CLYBL: variants seen among roughly 807,000 people sequenced by gnomAD.
The protein encoded by CLYBL is citramalyl-CoA lyase.
A neutral mutation model predicts 38.9 loss-of-function variants in CLYBL; 31 were observed. That is an observed-to-expected ratio of 0.80 (90% CI 0.60 to 1.08). The LOEUF (loss-of-function observed/expected upper bound fraction) is 1.08. CLYBL is among the 50% of genes least tolerant of loss of function. CLYBL has a pLI of 0.00. For missense variants in CLYBL, 434 were observed against 411.6 expected (o/e 1.05, Z -0.47); for synonymous variants, 171 against 158.6 (o/e 1.08, Z -0.59).
At chr13:99,652,003 G>GC (rs2047261548) in intron 1 of CLYBL, among the ~76,000 whole-genome samples, 2 of 152,200 alleles carry the variant, frequency 1.3e-5, no homozygotes, top group Non-Finnish European at 2.9e-5. Flanking sequence ...GGGTTTTCCT[G>GC]GAAGGATATG....
At chr13:99,891,197 G>A (rs2052479778) in intron 7 of CLYBL, 121 bp from the exon 8 acceptor site, 1 of 713,898 alleles carries the variant, frequency 1.4e-6, no homozygotes, top group Non-Finnish European at 2.4e-6. Context: ...TCAAAAGTTG[G>A]GCGGGAAAGT....
intron 9 of CLYBL, among the ~76,000 whole-genome samples, chr13:99,905,899 A>C (rs1414319844): frequency 6.6e-6 from 1 of 151,922 alleles, no homozygotes; most frequent in African/African-American, 2.4e-5. Context: ...GACCCCACCC[A>C]AGTAGCAGGA....
intron 2 of CLYBL, among the ~76,000 whole-genome samples, chr13:99,780,176 A>G (rs1020802802): frequency 5.3e-5 from 8 of 152,128 alleles, no homozygotes; most frequent in African/African-American, 9.7e-5. Context: ...TGATTCATCT[A>G]TTTCTATGTA....
chr13:99,907,495 A>T (rs946432504), intron 9 of CLYBL, among the ~76,000 whole-genome samples: 2 of 151,946 alleles, frequency 1.3e-5, no homozygotes, highest in African/African-American at 4.8e-5. Flanking sequence ...GGGTGATAAG[A>T]CTACTGGTGA....
In CLYBL at chr13:99,859,137, A is replaced by G. The variant is rs2051536057; in HGVS notation, c.438+88A>G. The G allele has an allele frequency of 9.9e-6, 10 of 1,012,356 alleles. No individual in the cohort carries two copies. In the South Asian group the frequency reaches 1.5e-4, roughly 16 times the overall value. The allele number at this position is 1,012,356 out of a possible 1,614,324, so 62.7% of individuals were successfully genotyped here. Reference sequence around the variant, plus strand: ...GGATCTGGGTGCCACAGGTTTGGAAAATGCATGCAGAGAGCAGAGAGGAAG... The same window carrying G: ...GGATCTGGGTGCCACAGGTTTGGAAGATGCATGCAGAGAGCAGAGAGGAAG... On this transcript the variant is annotated intron_variant, in intron 3 of 8. Coordinates refer to ENST00000339105, the MANE Select transcript of CLYBL (RefSeq NM_206808.5).
At chr13:99,850,402 CAG>C (rs2051303617) in intron 2 of CLYBL, among the ~76,000 whole-genome samples, 2 of 152,178 alleles carry the variant, frequency 1.3e-5, no homozygotes, top group Admixed American at 6.5e-5. Flanking sequence ...TAAGCACACA[CAG>C]AGATGCTCAG....
At chr13:99,689,111 A>G (rs1312080511) in intron 1 of CLYBL, among the ~76,000 whole-genome samples, 1 of 152,218 alleles carries the variant, frequency 6.6e-6, no homozygotes, top group Non-Finnish European at 1.5e-5. Flanking sequence ...GGGTCCCAGC[A>G]TCTAGCCCTT....
chr13:99,885,105 G>C (rs748070471), intron 7 of CLYBL: 30 of 529,692 alleles, frequency 5.7e-5, no homozygotes, highest in South Asian at 4.2e-4. Flanking sequence ...GGGAGTCAAA[G>C]GTACGTGAGG....
intron 1 of CLYBL, among the ~76,000 whole-genome samples, chr13:99,745,012 A>G (rs2048824711): frequency 6.6e-6 from 1 of 152,168 alleles, no homozygotes; most frequent in Non-Finnish European, 1.5e-5. Flanking sequence ...TTGTCACCCA[A>G]CATACTTCCC....
intron 1 of CLYBL, among the ~76,000 whole-genome samples, chr13:99,618,155 A>G (rs762582448): frequency 6.6e-6 from 1 of 152,220 alleles, no homozygotes; most frequent in Non-Finnish European, 1.5e-5. Context: ...AGTGCCTGAT[A>G]TAAATTTGCA....
At chr13:99,818,732 A>C (rs372813018) in intron 2 of CLYBL, among the ~76,000 whole-genome samples, 27 of 152,306 alleles carry the variant, frequency 1.8e-4, no homozygotes, top group East Asian at 7.7e-4. Context: ...AGCTTTCCTT[A>C]TTCCATGTTC....
chr13:99,763,383 C>A (rs9585211), intron 1 of CLYBL, among the ~76,000 whole-genome samples: 4,347 of 152,094 alleles, frequency 0.029, 213 homozygotes, highest in African/African-American at 0.099. Context: ...TAAAGCGATG[C>A]TGAATTTTAT....
chr13:99,728,939 C>T (rs1014047671), intron 1 of CLYBL, among the ~76,000 whole-genome samples: 8 of 152,292 alleles, frequency 5.3e-5, no homozygotes, highest in South Asian at 4.1e-4. Context: ...CAGCAATTTT[C>T]GACATATTCA....
intron 1 of CLYBL, among the ~76,000 whole-genome samples, chr13:99,717,608 C>T (rs1478942633): frequency 1.3e-5 from 2 of 151,858 alleles, no homozygotes; most frequent in Non-Finnish European, 2.9e-5. Flanking sequence ...TACAGGTACA[C>T]GCCACCATGC....
chr13:99,826,762 A>G (rs542292833), intron 2 of CLYBL, among the ~76,000 whole-genome samples: 8 of 152,300 alleles, frequency 5.3e-5, no homozygotes, highest in Admixed American at 2.6e-4. Context: ...CTAATCCCAT[A>G]TCTGTCTTGG....
intron 1 of CLYBL, among the ~76,000 whole-genome samples, chr13:99,731,366 G>T (rs1287336807): frequency 5.9e-5 from 9 of 151,612 alleles, no homozygotes; most frequent in African/African-American, 2.4e-5. Context: ...GAGCCCAGGG[G>T]CTCATACCTG....
At position 99,858,968 on chromosome 13, in the gene CLYBL, C is replaced by T; in HGVS notation, c.357C>T (p.Asp119=). The T allele has an allele frequency of 6.2e-7, 1 of 1,614,072 alleles. No homozygotes were observed. The highest frequency in any genetic ancestry group is 1.3e-5 in the African/African-American group (1 of 75,022). ...TTTCCAGTGGTCTGGCGGAAGAAGACCTAGAGACCCTTTTGCAATCCCGGG... is the reference window on the plus strand; with the variant it reads ...TTTCCAGTGGTCTGGCGGAAGAAGATCTAGAGACCCTTTTGCAATCCCGGG... ...NSVSSGLAEE[D]LETLLQSRVL... The change falls in exon 3 of 9, where the codon GAC becomes GAT. Residue 119 remains aspartate, a synonymous_variant. Coordinates refer to ENST00000339105, the MANE Select transcript of CLYBL (RefSeq NM_206808.5).
intron 1 of CLYBL, among the ~76,000 whole-genome samples, chr13:99,643,390 G>C (rs1352782094): frequency 2.0e-5 from 3 of 152,164 alleles, no homozygotes; most frequent in Admixed American, 2.0e-4. Flanking sequence ...TCTAGGGTCT[G>C]TAATTATCCT....
chr13:99,623,467 C>T (rs963806416), intron 1 of CLYBL, among the ~76,000 whole-genome samples: 4 of 152,212 alleles, frequency 2.6e-5, no homozygotes, highest in African/African-American at 9.7e-5. Context: ...ACCTCTTTCT[C>T]TCACTGCCTT....
Sources: gnomAD v4.1 joint callset for allele counts (sites outside exome capture counted in the v4.1 genomes callset) on GRCh38, gnomAD v4.1.1 for gene constraint, MANE v1.5 for transcripts, NCBI Gene and HGNC (gene_info 2026-07-23, HGNC 2026-07-21) for gene names.